Variants in BCAS3 observed in about 807,000 individuals in gnomAD.
BCAS3 encodes BCAS4/BCAS3 fusion.
Under a neutral mutation model 116.1 loss-of-function variants are expected in BCAS3, and 53 were observed. That is an observed-to-expected ratio of 0.46 (90% CI 0.37 to 0.57). BCAS3 has a LOEUF of 0.57. BCAS3 is among the 20% of genes least tolerant of loss of function. The pLI is 0.00. For synonymous variants in BCAS3, 391 were observed against 408.2 expected (o/e 0.96, Z 0.51); for missense variants, 917 against 1,165.4 (o/e 0.79, Z 3.10).
At position 60,900,857 on chromosome 17, in the gene BCAS3, A is replaced by G. The variant is rs74589419; in HGVS notation, c.739-1763A>G. Among the ~76,000 whole-genome samples, 410 of 152,094 alleles carry G rather than the reference A, an allele frequency of 2.7e-3. 3 individuals are homozygous for G. Among genetic ancestry groups the G allele is most frequent in the African/African-American group, 9.4e-3 (389 of 41,502 alleles). On this transcript the variant is annotated intron_variant, in intron 10 of 23. Transcript: ENST00000407086. ...CTGATGATTCTAAATTTAGACCAAAATTTCTGACTTAGTTACTTTTGTGTA... is the reference window on the plus strand; with the variant it reads ...CTGATGATTCTAAATTTAGACCAAAGTTTCTGACTTAGTTACTTTTGTGTA...
intron 7 of BCAS3, among the ~76,000 whole-genome samples, chr17:60,822,768 A>G (rs2050074278): frequency 6.6e-6 from 1 of 152,216 alleles, no homozygotes; most frequent in South Asian, 2.1e-4. Flanking sequence ...CTCTCACTTG[A>G]ATCTGAGCTT....
Position 61,227,649 on chromosome 17 carries a change from G to A in BCAS3, c.2426-140678G>A, listed in dbSNP as rs2082437751. On this transcript the variant is annotated intron_variant, in intron 22 of 23. Coordinates refer to ENST00000407086, the MANE Select transcript of BCAS3 (RefSeq NM_017679.5). The surrounding 1 kb of genome is among the most constrained non-coding windows in gnomAD (Gnocchi z 6.1). ...GCCAAGGAAGAATAAATTGGGCATA[G>A]GTCCTGTTAATTTACACCAGCCCAT... 6.6e-6 allele frequency among the ~76,000 whole-genome samples: 1 copy of A among 152,166 alleles called. No homozygotes were observed. Among genetic ancestry groups the A allele is most frequent in the African/African-American group, 2.4e-5 (1 of 41,448 alleles).
Position 60,824,142 on chromosome 17 carries a change from C to T in BCAS3, c.476+16066C>T, listed in dbSNP as rs188004753. 5.3e-5 allele frequency among the ~76,000 whole-genome samples: 8 copies of T among 152,098 alleles called. No homozygotes were observed. The East Asian group carries it at 1.5e-3, about 29-fold the overall frequency. On this transcript the variant is annotated intron_variant, in intron 7 of 23. Transcript: ENST00000407086. ...GTATATAATTCATTACAGTTTTTCCCGTTAAAAGTAATGGAAATGATTTTC... is the reference window on the plus strand; with the variant it reads ...GTATATAATTCATTACAGTTTTTCCTGTTAAAAGTAATGGAAATGATTTTC...
intron 15 of BCAS3, 40 bp from the exon 16 acceptor site, chr17:61,015,711 C>T: frequency 1.9e-6 from 3 of 1,605,432 alleles, no homozygotes; most frequent in Admixed American, 1.7e-5. Context: ...AGATAGAGAA[C>T]CTTCCTCAGT....
intron 22 of BCAS3, among the ~76,000 whole-genome samples, chr17:61,155,807 A>C (rs766209936): frequency 1.3e-5 from 2 of 152,240 alleles, no homozygotes; most frequent in African/African-American, 2.4e-5. Flanking sequence ...GCAGAGAAGA[A>C]GAATGCTTTC....
intron 5 of BCAS3, among the ~76,000 whole-genome samples, chr17:60,729,463 A>T (rs2040245335): frequency 6.6e-6 from 1 of 151,874 alleles, no homozygotes; most frequent in Non-Finnish European, 1.5e-5. Flanking sequence ...ATTGTTGTAT[A>T]TTTCCATTTG....
intron 6 of BCAS3, among the ~76,000 whole-genome samples, chr17:60,757,050 C>G (rs1283004709): frequency 6.6e-6 from 1 of 152,012 alleles, no homozygotes; most frequent in African/African-American, 2.4e-5. Flanking sequence ...GTAGTCGCAG[C>G]TACTCGGGAG....
chr17:61,274,856 C>A (rs539747723), intron 22 of BCAS3, among the ~76,000 whole-genome samples: 39 of 152,116 alleles, frequency 2.6e-4, no homozygotes, highest in African/African-American at 9.4e-4. Context: ...CCCATGAAAT[C>A]TAATTTTATT....
intron 22 of BCAS3, among the ~76,000 whole-genome samples, chr17:61,133,859 C>CAAAAAAAA (rs11449964): frequency 2.4e-5 from 2 of 81,900 alleles, no homozygotes; most frequent in Admixed American, 1.5e-4. Context: ...CCTGGAATCT[C>CAAAAAAAA]AAAAAAAAAA....
intron 5 of BCAS3, among the ~76,000 whole-genome samples, chr17:60,739,427 C>A (rs976777726): frequency 6.6e-6 from 1 of 152,154 alleles, no homozygotes; most frequent in South Asian, 2.1e-4. Flanking sequence ...CGAGACCAGC[C>A]TGGTCAATGT....
intron 22 of BCAS3, among the ~76,000 whole-genome samples, chr17:61,262,355 GACATA>G (rs1329591712): frequency 2.7e-5 from 4 of 150,430 alleles, no homozygotes; most frequent in African/African-American, 9.7e-5. Context: ...CACATAAATG[GACATA>G]ACATATTCAT....
intron 4 of BCAS3, among the ~76,000 whole-genome samples, chr17:60,705,920 A>T (rs1328876840): frequency 6.6e-6 from 1 of 152,194 alleles, no homozygotes; most frequent in Non-Finnish European, 1.5e-5. Flanking sequence ...GTATATTTCC[A>T]TAAAGTTATA....
At chr17:61,342,751 CTTT>C (rs113701578) in intron 22 of BCAS3, among the ~76,000 whole-genome samples, 7 of 137,032 alleles carry the variant, frequency 5.1e-5, no homozygotes, top group Non-Finnish European at 9.6e-5. Flanking sequence ...ATTTTCTTTT[CTTT>C]TTTTTTTTTT....
At chr17:61,143,815 A>C (rs1012142528) in intron 22 of BCAS3, among the ~76,000 whole-genome samples, 10 of 152,180 alleles carry the variant, frequency 6.6e-5, no homozygotes, top group African/African-American at 2.4e-4. Flanking sequence ...TCTCAAAAAA[A>C]TAAAATAAAA....
At chr17:60,880,392 G>A (rs1408767656) in intron 9 of BCAS3, among the ~76,000 whole-genome samples, 3 of 152,062 alleles carry the variant, frequency 2.0e-5, no homozygotes, top group Non-Finnish European at 4.4e-5. Flanking sequence ...GGCTTCAAGT[G>A]ATTCTCCTGC....
chr17:61,116,273 TA>T (rs1173058383), intron 22 of BCAS3, among the ~76,000 whole-genome samples: 9 of 109,334 alleles, frequency 8.2e-5, no homozygotes, highest in African/African-American at 1.3e-4. Context: ...AATAAATAAA[TA>T]AAATAAAATA....
At chr17:60,959,653 T>A (rs190987787) in intron 14 of BCAS3, among the ~76,000 whole-genome samples, 17 of 152,206 alleles carry the variant, frequency 1.1e-4, no homozygotes, top group Non-Finnish European at 2.2e-4. Flanking sequence ...TTGTTCATAT[T>A]ATAAAATTCA....
At position 60,968,996 on chromosome 17, in the gene BCAS3, T is replaced by TG. The variant is rs372409349; in HGVS notation, c.1222-20967dup. Among the ~76,000 whole-genome samples the TG allele has an allele frequency of 1.4e-3, 193 of 141,268 alleles. 3 individuals carry two copies. The East Asian group carries it at 0.032, about 23-fold the overall frequency. The allele number at this position is 141,268 out of a possible 152,430, so 92.7% of individuals were successfully genotyped here. On this transcript the variant is annotated intron_variant, in intron 14 of 23. Coordinates refer to ENST00000407086, the MANE Select transcript of BCAS3 (RefSeq NM_017679.5). ...TTTTTCCAGTATAGTCACCATGAGTTGGGGGGGGAGATTTTCTGTGCTCTT... is the reference window on the plus strand; with the variant it reads ...TTTTTCCAGTATAGTCACCATGAGTTGGGGGGGGGAGATTTTCTGTGCTCTT...
At chr17:61,111,457 A>G (rs372508920) in intron 22 of BCAS3, among the ~76,000 whole-genome samples, 1,807 of 149,092 alleles carry the variant, frequency 0.012, 14 homozygotes, top group Non-Finnish European at 0.02. Flanking sequence ...CTCAGGAGCC[A>G]ATGCGATCAA....
Sources: allele counts gnomAD v4.1 joint callset (sites outside exome capture counted in the v4.1 genomes callset), GRCh38; gene constraint gnomAD v4.1.1; non-coding constraint Gnocchi (gnomAD v3.1); transcripts MANE v1.5; gene names NCBI Gene and HGNC (gene_info 2026-07-23, HGNC 2026-07-21).